Variants in ADAMTSL1 observed in about 807,000 individuals in gnomAD.
ADAMTSL1 encodes the protein ADAMTS-like protein 1.
In ADAMTSL1, 126 loss-of-function variants were observed where a neutral mutation model predicts 201.8. The ratio of observed to expected loss-of-function variants is 0.62; its 90% confidence interval spans 0.54 to 0.72. ADAMTSL1 has a LOEUF of 0.72. Ranked by LOEUF, ADAMTSL1 falls within the 30% of genes least tolerant of loss-of-function variation. The pLI is 0.00. For missense variants in ADAMTSL1, 2,679 were observed against 2,277.8 expected (o/e 1.18, Z -3.59); for synonymous variants, 1,121 against 903.4 (o/e 1.24, Z -4.32).
intron 1 of ADAMTSL1, among the ~76,000 whole-genome samples, chr9:17,971,538 A>G (rs1373486850): frequency 6.6e-6 from 1 of 152,026 alleles, no homozygotes; most frequent in Non-Finnish European, 1.5e-5. Context: ...AGAGAGAACA[A>G]TCATAATTCA....
chr9:18,890,565 G>C (rs760855682), intron 25 of ADAMTSL1: 7 of 455,820 alleles, frequency 1.5e-5, no homozygotes, highest in South Asian at 9.3e-5. Context: ...TGAGTCATAA[G>C]GAGCAGCTGA....
At chr9:18,432,978 G>A (rs531280114) in intron 2 of ADAMTSL1, among the ~76,000 whole-genome samples, 5 of 152,194 alleles carry the variant, frequency 3.3e-5, no homozygotes, top group Admixed American at 6.5e-5. Flanking sequence ...CTCAAAATAT[G>A]CAACACTGTC....
At chr9:18,191,832 C>G (rs905278979) in intron 2 of ADAMTSL1, among the ~76,000 whole-genome samples, 8 of 152,136 alleles carry the variant, frequency 5.3e-5, no homozygotes, top group African/African-American at 1.9e-4. Context: ...CCCATATTCT[C>G]TCTCCATTTC....
chr9:18,416,373 A>C (rs569003526), intron 2 of ADAMTSL1, among the ~76,000 whole-genome samples: 2 of 150,908 alleles, frequency 1.3e-5, no homozygotes, highest in East Asian at 3.9e-4. Flanking sequence ...AAAGAGATGA[A>C]ATGGAATTAT....
chr9:18,421,854 T>C (rs1285116524), intron 2 of ADAMTSL1, among the ~76,000 whole-genome samples: 1 of 152,218 alleles, frequency 6.6e-6, no homozygotes, highest in Non-Finnish European at 1.5e-5. Context: ...TATTTACCAA[T>C]GGGATATTAC....
At chr9:18,555,731 A>T (rs1821070403) in intron 3 of ADAMTSL1, among the ~76,000 whole-genome samples, 1 of 151,950 alleles carries the variant, frequency 6.6e-6, no homozygotes, top group Non-Finnish European at 1.5e-5. Flanking sequence ...GGAGTTAACC[A>T]GGGGAATAAG....
intron 7 of ADAMTSL1, among the ~76,000 whole-genome samples, chr9:18,653,765 T>A (rs10963711): frequency 0.18 from 27,245 of 152,192 alleles, 2,762 homozygotes; most frequent in Middle Eastern, 0.25. Flanking sequence ...TTTAAAATCA[T>A]TTTTAATCTG....
At chr9:18,887,657 T>G (rs972083507) in intron 23 of ADAMTSL1, among the ~76,000 whole-genome samples, 174 bp from the exon 24 acceptor site, 8 of 152,236 alleles carry the variant, frequency 5.3e-5, no homozygotes, top group Admixed American at 5.2e-4. Context: ...TCCTAGAAAT[T>G]CAGAGAATAA....
intron 19 of ADAMTSL1, among the ~76,000 whole-genome samples, chr9:18,793,889 A>C (rs1822203610): frequency 6.6e-6 from 1 of 152,192 alleles, no homozygotes; most frequent in African/African-American, 2.4e-5. Flanking sequence ...ATCGTTAGTC[A>C]TTAATTAAGC....
chr9:18,614,572 A>C (rs183450787), intron 4 of ADAMTSL1, among the ~76,000 whole-genome samples: 99 of 152,248 alleles, frequency 6.5e-4, no homozygotes, highest in African/African-American at 2.3e-3. Flanking sequence ...TTCTGTAAGC[A>C]GGTTTCCCTC....
intron 15 of ADAMTSL1, among the ~76,000 whole-genome samples, chr9:18,728,641 C>T (rs1045399624): frequency 1.3e-5 from 2 of 152,122 alleles, no homozygotes; most frequent in African/African-American, 4.8e-5. Context: ...AAGCTTGAGG[C>T]TGAGAGAAGG....
intron 2 of ADAMTSL1, among the ~76,000 whole-genome samples, chr9:18,406,329 CTTTTCTTT>C (rs1451578385): frequency 0.062 from 9,114 of 147,642 alleles, 697 homozygotes; most frequent in African/African-American, 0.18. Flanking sequence ...CTTTTCTTTT[CTTTTCTTT>C]TCTTTTTTTG....
At chr9:18,149,163 C>G (rs1470004217) in intron 1 of ADAMTSL1, among the ~76,000 whole-genome samples, 1 of 151,932 alleles carries the variant, frequency 6.6e-6, no homozygotes, top group African/African-American at 2.4e-5. Context: ...GGAGATGAAC[C>G]AGACCCTTCT....
In ADAMTSL1 at chr9:18,772,606, T is replaced by C. The variant is rs1473515398; in HGVS notation, c.2397+1825T>C. On this transcript the variant is annotated intron_variant, in intron 17 of 28. Transcript: ENST00000380548. The stretch of plus-strand genomic sequence containing the variant: ...GGCTTTAGGTTGCTTATCTGTATAA[T>C]GGAAATATAATAGTATCCATCATGT... 6.6e-5 allele frequency among the ~76,000 whole-genome samples: 10 copies of C among 152,230 alleles called. No individual in the cohort carries two copies. The East Asian group carries it at 1.7e-3, about 26-fold the overall frequency.
At chr9:18,554,089 C>A (rs193267829) in intron 3 of ADAMTSL1, among the ~76,000 whole-genome samples, 28 of 151,530 alleles carry the variant, frequency 1.8e-4, no homozygotes, top group African/African-American at 6.5e-4. Context: ...TATCTCTTCC[C>A]AGCTGTATCT....
At chr9:18,237,040 C>G (rs1293608268) in intron 2 of ADAMTSL1, among the ~76,000 whole-genome samples, 1 of 152,128 alleles carries the variant, frequency 6.6e-6, no homozygotes, top group African/African-American at 2.4e-5. Flanking sequence ...TTTAAGCTGC[C>G]CAATAAATAT....
chr9:18,607,892 A>T (rs1465541989), intron 4 of ADAMTSL1, among the ~76,000 whole-genome samples: 1 of 152,146 alleles, frequency 6.6e-6, no homozygotes, highest in Non-Finnish European at 1.5e-5. Flanking sequence ...CCATGTCCCT[A>T]CAAAGGACAT....
At chr9:18,508,215 C>A (rs990346015) in intron 2 of ADAMTSL1, among the ~76,000 whole-genome samples, 1 of 151,716 alleles carries the variant, frequency 6.6e-6, no homozygotes. Flanking sequence ...ATTCAGTTTT[C>A]TTTACCTGGG....
Position 18,792,478 on chromosome 9 carries a change from A to G in ADAMTSL1, c.3678-2919A>G, listed in dbSNP as rs554448164. ...TCCAAGAACCGTTTTCTGTAGGGAC[A>G]AGGGAGATGTTTCCAGTGCCAGGGA... On this transcript the variant is annotated intron_variant, in intron 19 of 28. Transcript: ENST00000380548. Among the ~76,000 whole-genome samples, 9 of 152,312 alleles carry G rather than the reference A, an allele frequency of 5.9e-5. No homozygotes were observed. In the East Asian group the frequency reaches 1.7e-3, roughly 29 times the overall value.
Sources: allele counts gnomAD v4.1 joint callset (sites outside exome capture counted in the v4.1 genomes callset), GRCh38; gene constraint gnomAD v4.1.1; transcripts MANE v1.5; gene names NCBI Gene and HGNC (gene_info 2026-07-23, HGNC 2026-07-21).